Variants in WIPF2 observed in about 807,000 individuals in gnomAD.
WIPF2 encodes the protein WAS/WASL-interacting protein family member 2.
WIPF2 carries 23 observed loss-of-function variants against 38.8 expected under a neutral mutation model. That is an observed-to-expected ratio of 0.59 (90% confidence interval 0.43 to 0.84). The LOEUF (loss-of-function observed/expected upper bound fraction) is 0.84. Among genes scored for constraint, WIPF2 ranks in the 40% least tolerant of loss-of-function variants. The pLI, the probability that WIPF2 is intolerant of heterozygous loss-of-function variation, is 0.00. For synonymous variants in WIPF2, 210 were observed against 223.2 expected (o/e 0.94, Z 0.53); for missense variants, 574 against 580.5 (o/e 0.99, Z 0.11).
In WIPF2 at chr17:40,264,583, A is replaced by G; in HGVS notation, c.407A>G (p.Asp136Gly). 1 of 1,614,038 alleles carries G rather than the reference A, an allele frequency of 6.2e-7. No homozygotes were observed. The highest frequency in any genetic ancestry group is 8.5e-7 in the Non-Finnish European group (1 of 1,180,018). ...PVSAASGRPQ[D>G]DTDSSRASLP... ...TCTGCCGCCAGCGGGCGTCCTCAGG[A>G]TGATACAGACAGCAGCCGGGCCTCA... The change falls in exon 5 of 8, where the codon GAT (aspartate) becomes GGT (glycine). Residue 136 changes from aspartate (D) to glycine (G), a missense_variant. Transcript: ENST00000323571.
chr17:40,264,927 C>T lies in WIPF2; in HGVS notation c.751C>T (p.Pro251Ser). The change falls in exon 5 of 8, where the codon CCT becomes TCT. Residue 251 changes from proline to serine, a missense_variant. Coordinates refer to ENST00000323571, the MANE Select transcript of WIPF2 (RefSeq NM_133264.5). ...ACCAAGTGGCCAGTCTCTGGCTCCT[C>T]CTCCTCCGCCTTACCGCCAGCCTCC... Reference protein sequence around the residue: ...TGPSGQSLAPPPPPYRQPPGV... With the variant: ...TGPSGQSLAPSPPPYRQPPGV... The T allele has an allele frequency of 6.2e-7, 1 of 1,614,236 alleles. No homozygotes were observed.
At chr17:40,235,744 T>C (rs1023740081) in intron 1 of WIPF2, among the ~76,000 whole-genome samples, 2 of 151,538 alleles carry the variant, frequency 1.3e-5, no homozygotes, top group Non-Finnish European at 2.9e-5. Context: ...CAGCTAATTT[T>C]GTATTTTTAG....
chr17:40,278,522 A>T lies in WIPF2; in HGVS notation c.*297A>T. On this transcript the variant is annotated 3_prime_UTR_variant, in exon 8 of 8. Coordinates refer to ENST00000323571, the MANE Select transcript of WIPF2 (RefSeq NM_133264.5). ...CGTGTCTTCTGCCTTCCTCTTGGGG[A>T]AAGGTGCCTTGTTGTGATGAATTAA... The T allele has an allele frequency of 2.4e-6, 1 of 421,358 alleles. No individual in the cohort carries two copies. Among genetic ancestry groups the T allele is most frequent in the Non-Finnish European group, 4.3e-6 (1 of 231,134 alleles). The allele number at this position is 421,358 out of a possible 1,614,324, so 26.1% of individuals were successfully genotyped here. A position where few individuals can be genotyped will look rare whatever the true frequency, so the allele number is the denominator to read the frequency against.
intron 1 of WIPF2, among the ~76,000 whole-genome samples, chr17:40,233,620 C>G (rs2030839060): frequency 6.6e-6 from 1 of 151,914 alleles, no homozygotes; most frequent in South Asian, 2.1e-4. Flanking sequence ...CTATACAGTT[C>G]TTTCTTGAGT....
rs762889347 is a variant in WIPF2, at chr17:40,220,573, G to GTATATA, written c.-70+1121_-70+1126dup. On this transcript the variant is annotated intron_variant, in intron 1 of 7. Transcript: ENST00000323571. Reference sequence around the variant, plus strand: ...CTACTCCCGCCTAACGTGTGTGTGTGTATATATATATATATATATATATAT... The same window carrying GTATATA: ...CTACTCCCGCCTAACGTGTGTGTGTGTATATATATATATATATATATATATATATAT... 1.5e-3 allele frequency: 113 copies of GTATATA among 77,086 alleles called. 1 individual carries two copies. Among genetic ancestry groups the GTATATA allele is most frequent in the South Asian group, 2.1e-3 (5 of 2,392 alleles). The allele number at this position is 77,086 out of a possible 1,614,324, so 4.8% of individuals were successfully genotyped here.
intron 1 of WIPF2, chr17:40,220,571 G>GTGTATATATATATA (rs2030138605): frequency 2.3e-5 from 2 of 85,650 alleles, no homozygotes; most frequent in South Asian, 3.6e-4. Context: ...ACGTGTGTGT[G>GTGTATATATATATA]TGTATATATA....
At chr17:40,273,705 T>G (rs1250050060) in intron 5 of WIPF2, 85 bp from the exon 6 acceptor site, 6 of 848,258 alleles carry the variant, frequency 7.1e-6, no homozygotes, top group Non-Finnish European at 1.0e-5. Context: ...TGGGGTGTGT[T>G]ACTCTTTTAG....
chr17:40,250,443 G>C (rs1353312740), intron 1 of WIPF2, among the ~76,000 whole-genome samples: 1 of 148,290 alleles, frequency 6.7e-6, no homozygotes, highest in East Asian at 2.0e-4. Flanking sequence ...TAGAGACAGG[G>C]TTTCACCGTG....
chr17:40,238,525 A>G (rs1346018649), intron 1 of WIPF2, among the ~76,000 whole-genome samples: 1 of 150,362 alleles, frequency 6.7e-6, no homozygotes, highest in East Asian at 2.0e-4. Flanking sequence ...CTGGTCTTGA[A>G]CTCCTGACCT....
Position 40,264,771 on chromosome 17 carries a change from A to T in WIPF2, c.595A>T (p.Lys199Ter). The T allele has an allele frequency of 6.3e-7, 1 of 1,580,750 alleles. No homozygotes were observed. Among genetic ancestry groups the T allele is most frequent in the African/African-American group, 1.4e-5 (1 of 70,292 alleles). ...CACACCTCTGCCTATGCACAGCAGC[A>T]AAGCCCCCGCCTACAACAGAGAGAA... is the stretch of plus-strand genomic sequence containing the variant. The part of the protein sequence containing the change: ...PPTPLPMHSS[K>*]APAYNREKPL... The change falls in exon 5 of 8, where the codon AAA becomes TAA. Residue 199 changes from lysine (K) to a stop codon, truncating the protein, a stop_gained. Coordinates refer to ENST00000323571, the MANE Select transcript of WIPF2 (RefSeq NM_133264.5). LOFTEE classifies it high-confidence loss of function.
intron 5 of WIPF2, among the ~76,000 whole-genome samples, chr17:40,270,882 T>TTGTGTGTGTGTG (rs373553389): frequency 0.013 from 1,993 of 150,462 alleles, 43 homozygotes; most frequent in African/African-American, 0.043. Flanking sequence ...TTGTGCCAGA[T>TTGTGTGTGTGTG]TGTGTGTGTG....
intron 5 of WIPF2, among the ~76,000 whole-genome samples, chr17:40,272,348 G>A (rs1438745293): frequency 6.6e-6 from 1 of 152,132 alleles, no homozygotes; most frequent in Admixed American, 6.6e-5. Context: ...TGGTGATGGT[G>A]GTGGGGCGAC....
At chr17:40,238,602 CTTAT>C (rs1369905385) in intron 1 of WIPF2, among the ~76,000 whole-genome samples, 9 of 151,778 alleles carry the variant, frequency 5.9e-5, no homozygotes, top group Admixed American at 3.3e-4. Context: ...TGCACCTGCC[CTTAT>C]TTATTTATTT....
rs869080815 is a variant in WIPF2 at position 40,231,425 on chromosome 17, CT to C, written c.-70+11952del. On this transcript the variant is annotated intron_variant, in intron 1 of 7. Coordinates refer to ENST00000323571, the MANE Select transcript of WIPF2 (RefSeq NM_133264.5). The stretch of plus-strand genomic sequence containing the variant: ...CTGACTGTTCTCTGTGCTTTTCTAC[CT>C]TTTTTTTTTTTTTTTTTTGAGACGG... 3.2e-3 allele frequency among the ~76,000 whole-genome samples: 434 copies of C among 136,314 alleles called. 1 individual carries two copies. The highest frequency in any genetic ancestry group is 8.3e-3 in the African/African-American group (307 of 37,210). 89.4% of individuals were successfully genotyped at this position (136,314 alleles called of 152,430 possible). A position where few individuals can be genotyped will look rare whatever the true frequency, so the allele number is the denominator to read the frequency against.
At position 40,280,786 on chromosome 17, in the gene WIPF2, G is replaced by C. The variant is rs1041702097; in HGVS notation, c.*2561G>C. On this transcript the variant is annotated 3_prime_UTR_variant, in exon 8 of 8. Transcript: ENST00000323571. ...GCCCCCTCATATTCCCCAGCACTTGGACTGTGTCACATGGGTATTGATTGT... is the reference window on the plus strand; with the variant it reads ...GCCCCCTCATATTCCCCAGCACTTGCACTGTGTCACATGGGTATTGATTGT... 1 of 152,462 alleles carries C rather than the reference G, an allele frequency of 6.6e-6. No individual in the cohort carries two copies. The highest frequency in any genetic ancestry group is 2.4e-5 in the African/African-American group (1 of 41,366). The allele number at this position is 152,462 out of a possible 1,614,324, so 9.4% of individuals were successfully genotyped here.
chr17:40,269,043 G>A (rs2032173212), intron 5 of WIPF2, among the ~76,000 whole-genome samples: 1 of 152,038 alleles, frequency 6.6e-6, no homozygotes, highest in Non-Finnish European at 1.5e-5. Flanking sequence ...ACTAGGCCGG[G>A]TGCAGTGGCT....
intron 1 of WIPF2, among the ~76,000 whole-genome samples, chr17:40,228,530 G>A (rs1029282785): frequency 4.0e-5 from 6 of 151,898 alleles, no homozygotes; most frequent in East Asian, 1.9e-4. Context: ...TTTGATGTTC[G>A]TTATTCATTT....
chr17:40,228,076 CG>C (rs2145281796), intron 1 of WIPF2, among the ~76,000 whole-genome samples: 1 of 116,712 alleles, frequency 8.6e-6, no homozygotes, highest in African/African-American at 3.5e-5. Context: ...AGTGCAGTGG[CG>C]GGATCTCGGC....
At chr17:40,234,132 G>A (rs927816377) in intron 1 of WIPF2, among the ~76,000 whole-genome samples, 5 of 152,124 alleles carry the variant, frequency 3.3e-5, no homozygotes, top group Non-Finnish European at 5.9e-5. Flanking sequence ...ACTTTGGGAG[G>A]CTGAGGCAGG....
Sources: gnomAD v4.1 joint callset for allele counts (sites outside exome capture counted in the v4.1 genomes callset) on GRCh38, gnomAD v4.1.1 for gene constraint, MANE v1.5 for transcripts, NCBI Gene and HGNC (gene_info 2026-07-23, HGNC 2026-07-21) for gene names.